Variants in MAP3K7CL observed in about 807,000 individuals in gnomAD.
MAP3K7CL encodes the protein MAP3K7 C-terminal like.
In MAP3K7CL, 16 loss-of-function variants were observed where a neutral mutation model predicts 18.6. The observed-to-expected ratio is 0.86, with a 90% CI of 0.58 to 1.31. The LOEUF (loss-of-function observed/expected upper bound fraction) is 1.31, where lower values mean the gene tolerates loss of function less well. MAP3K7CL is among the 50% of genes most tolerant of loss of function. The pLI is 0.00. For synonymous variants in MAP3K7CL, 65 were observed against 66.8 expected (o/e 0.97, Z 0.13); for missense variants, 163 against 174.4 (o/e 0.93, Z 0.37).
chr21:29,088,140 A>G (rs1294161564), intron 1 of MAP3K7CL, among the ~76,000 whole-genome samples: 1 of 152,214 alleles, frequency 6.6e-6, no homozygotes, highest in Non-Finnish European at 1.5e-5. Context: ...GCAGAGCTGG[A>G]AAAACATTTC....
intron 2 of MAP3K7CL, chr21:29,145,721 A>G (rs1238440399): frequency 1.3e-5 from 2 of 152,192 alleles, no homozygotes; most frequent in Admixed American, 6.5e-5. Flanking sequence ...GGCTTCATAC[A>G]TCTGTCTTTG....
At chr21:29,164,435 G>A (rs961381114) in intron 4 of MAP3K7CL, among the ~76,000 whole-genome samples, 2 of 152,176 alleles carry the variant, frequency 1.3e-5, no homozygotes, top group African/African-American at 2.4e-5. Context: ...AAAGAGAGAC[G>A]CTAACTAAGG....
In MAP3K7CL at chr21:29,118,096, T is replaced by A. The variant is rs28648919; in HGVS notation, c.370+25515T>A. Among the ~76,000 whole-genome samples the A allele has an allele frequency of 1.1e-3, 151 of 143,776 alleles. 1 individual carries two copies. The highest frequency in any genetic ancestry group is 6.7e-3 in the Admixed American group (94 of 14,002). The allele number at this position is 143,776 out of a possible 152,430, so 94.3% of individuals were successfully genotyped here. ...ATTTAATTTTTTTAAATTAAAAAAA[T>A]TTTTTTTGAGACGGACTCTTGCACT... On this transcript the variant is annotated intron_variant, in intron 4 of 6. Coordinates refer to the MAP3K7CL transcript ENST00000286791.
chr21:29,087,815 G>A (rs565355759), intron 1 of MAP3K7CL, among the ~76,000 whole-genome samples: 19 of 151,858 alleles, frequency 1.3e-4, no homozygotes, highest in Middle Eastern at 3.4e-3. Flanking sequence ...GGATGGTCTC[G>A]ATCTCCTGAC....
intron 4 of MAP3K7CL, among the ~76,000 whole-genome samples, chr21:29,162,787 C>T (rs908332482): frequency 6.6e-6 from 1 of 151,552 alleles, no homozygotes; most frequent in Non-Finnish European, 1.5e-5. Flanking sequence ...AATGATAACT[C>T]TGGGTACCAC....
rs16983794 is a variant in MAP3K7CL at position 29,156,382 on chromosome 21, A to G, written c.133-3559A>G. Reference sequence around the variant, plus strand: ...TTATTTTACAGTTTTTAATTTGAGCATGTGTTACATAAACCCACGTACAGC... The same window carrying G: ...TTATTTTACAGTTTTTAATTTGAGCGTGTGTTACATAAACCCACGTACAGC... On this transcript the variant is annotated intron_variant, in intron 3 of 4. Transcript: ENST00000399928. Among the ~76,000 whole-genome samples, 1,147 of 152,336 alleles carry G rather than the reference A, an allele frequency of 7.5e-3. 9 individuals carry two copies. Among genetic ancestry groups the G allele is most frequent in the African/African-American group, 0.025 (1,052 of 41,576 alleles).
At chr21:29,081,523 A>T (rs1204189587), upstream of MAP3K7CL, among the ~76,000 whole-genome samples, 3 of 152,266 alleles carry the variant, frequency 2.0e-5, no homozygotes, top group Admixed American at 2.0e-4. Flanking sequence ...ACTGCGCTCC[A>T]GCCCAGGTGA....
At chr21:29,115,882 T>G (rs1356672462) in intron 4 of MAP3K7CL, among the ~76,000 whole-genome samples, 1 of 152,232 alleles carries the variant, frequency 6.6e-6, no homozygotes, top group Non-Finnish European at 1.5e-5. Context: ...CTGACACATA[T>G]GCAGTCTATG....
intron 1 of MAP3K7CL, 86 bp downstream of exon 1, chr21:29,131,009 A>G (rs2086769641): frequency 1.2e-6 from 1 of 848,702 alleles, no homozygotes; most frequent in South Asian, 5.4e-5. Context: ...TAGCCAAGAG[A>G]AGGAACCTGT....
intron 4 of MAP3K7CL, among the ~76,000 whole-genome samples, chr21:29,093,276 C>T (rs902401450): frequency 8.5e-5 from 13 of 152,198 alleles, no homozygotes; most frequent in Admixed American, 2.0e-4. Context: ...AGATAGGCTT[C>T]CCTTATTATG....
Position 29,140,036 on chromosome 21 carries a change from C to G in MAP3K7CL, c.70+6622C>G, listed in dbSNP as rs375161279. ...GAGGCTCAGATAGTCATTATGAACTCTCTCGAATCACCTTCTGTCCCAACA... is the reference window on the plus strand; with the variant it reads ...GAGGCTCAGATAGTCATTATGAACTGTCTCGAATCACCTTCTGTCCCAACA... On this transcript the variant is annotated intron_variant, in intron 2 of 4. Transcript: ENST00000399928. 2.0e-5 allele frequency among the ~76,000 whole-genome samples: 3 copies of G among 150,812 alleles called. No individual in the cohort carries two copies. The East Asian group carries it at 5.9e-4, about 30-fold the overall frequency.
At chr21:29,087,652 G>A (rs867833062) in intron 1 of MAP3K7CL, among the ~76,000 whole-genome samples, 7 of 144,808 alleles carry the variant, frequency 4.8e-5, no homozygotes, top group East Asian at 2.1e-4. Flanking sequence ...GAAGTGCAGC[G>A]GCGCGATCTC....
At chr21:29,131,613 G>C (rs1057500870) in intron 1 of MAP3K7CL, 1 of 152,046 alleles carries the variant, frequency 6.6e-6, no homozygotes, top group Admixed American at 6.6e-5. Context: ...TTCTAACTTA[G>C]AATTACATGA....
chr21:29,079,911 A>G (rs1279457397), intron 1 of MAP3K7CL, among the ~76,000 whole-genome samples: 1 of 152,146 alleles, frequency 6.6e-6, no homozygotes, highest in Non-Finnish European at 1.5e-5. Flanking sequence ...GATGAAAGTG[A>G]TTGATTCTTT....
Position 29,114,018 on chromosome 21 carries a change from T to A in MAP3K7CL, c.370+21437T>A, listed in dbSNP as rs367716871. 5.6e-4 allele frequency among the ~76,000 whole-genome samples: 85 copies of A among 152,250 alleles called. No homozygotes were observed. The Middle Eastern group carries it at 0.017, about 30-fold the overall frequency. ...GGGGTGCCTTTTCATTGATCTATAT[T>A]TGGGAGTTAAATAAAAGGAGAGTTT... On this transcript the variant is annotated intron_variant, in intron 4 of 6. Coordinates refer to the MAP3K7CL transcript ENST00000286791.
chr21:29,086,072 C>T (rs1019579297), intron 1 of MAP3K7CL, among the ~76,000 whole-genome samples: 6 of 152,154 alleles, frequency 3.9e-5, no homozygotes, highest in Admixed American at 6.5e-5. Flanking sequence ...TGTGGGAGGT[C>T]GGCAGACTAT....
At chr21:29,132,716 G>C (rs2086802956) in intron 1 of MAP3K7CL, among the ~76,000 whole-genome samples, 1 of 152,010 alleles carries the variant, frequency 6.6e-6, no homozygotes, top group Non-Finnish European at 1.5e-5. Context: ...TCTCATGTTG[G>C]TCAAGCTGGT....
chr21:29,125,698 G>A (rs995723399), upstream of MAP3K7CL, among the ~76,000 whole-genome samples: 4 of 152,162 alleles, frequency 2.6e-5, no homozygotes, highest in African/African-American at 9.7e-5. Flanking sequence ...TCATTGCATT[G>A]CCCTACGAGA....
chr21:29,134,302 G>A (rs920925801), intron 2 of MAP3K7CL, among the ~76,000 whole-genome samples: 1 of 152,048 alleles, frequency 6.6e-6, no homozygotes, highest in Non-Finnish European at 1.5e-5. Context: ...AGGATCCCTT[G>A]AGCCCAGGAG....
Sources: allele counts gnomAD v4.1 joint callset (sites outside exome capture counted in the v4.1 genomes callset), GRCh38; gene constraint gnomAD v4.1.1; transcripts MANE v1.5; gene names NCBI Gene and HGNC (gene_info 2026-07-23, HGNC 2026-07-21).